CAMKMT: variants seen among roughly 807,000 people sequenced by gnomAD.
CAMKMT encodes the protein CaM KMT.
CAMKMT carries 53 observed loss-of-function variants against 48.0 expected under a neutral mutation model. The ratio of observed to expected loss-of-function variants is 1.10; its 90% CI spans 0.89 to 1.39. CAMKMT has a LOEUF of 1.39. Among genes scored for constraint, CAMKMT ranks in the 40% most tolerant of loss-of-function variants. CAMKMT has a pLI of 0.00. For synonymous variants in CAMKMT, 165 were observed against 152.3 expected (o/e 1.08, Z -0.61); for missense variants, 428 against 402.7 (o/e 1.06, Z -0.54).
chr2:44,627,914 G>T (rs1302283911), intron 3 of CAMKMT, among the ~76,000 whole-genome samples: 1 of 151,688 alleles, frequency 6.6e-6, no homozygotes, highest in Non-Finnish European at 1.5e-5. Context: ...TGGCCAGGCT[G>T]GTCTCTAACT....
chr2:44,694,761 G>T (rs1308720377), intron 3 of CAMKMT, among the ~76,000 whole-genome samples: 2 of 152,186 alleles, frequency 1.3e-5, no homozygotes, highest in African/African-American at 4.8e-5. Context: ...AGAAGCAACT[G>T]CAGGGAACCA....
chr2:44,686,715 A>T (rs898725847), intron 3 of CAMKMT, among the ~76,000 whole-genome samples: 1 of 152,214 alleles, frequency 6.6e-6, no homozygotes, highest in Non-Finnish European at 1.5e-5. Flanking sequence ...ATGAACGCTC[A>T]TTGGAGTTTG....
At chr2:44,414,533 A>G (rs1443802770) in intron 3 of CAMKMT, among the ~76,000 whole-genome samples, 1 of 152,166 alleles carries the variant, frequency 6.6e-6, no homozygotes, top group Non-Finnish European at 1.5e-5. Context: ...GGCAGCTTCC[A>G]CTAGAGTGTA....
intron 3 of CAMKMT, among the ~76,000 whole-genome samples, chr2:44,636,179 T>C (rs139870686): frequency 3.9e-4 from 59 of 152,256 alleles, no homozygotes; most frequent in African/African-American, 1.1e-3. Flanking sequence ...GGGCACACTA[T>C]CCAAAAAGCT....
chr2:44,434,891 T>C (rs1424005787), intron 3 of CAMKMT, among the ~76,000 whole-genome samples: 1 of 152,204 alleles, frequency 6.6e-6, no homozygotes, highest in Non-Finnish European at 1.5e-5. Flanking sequence ...AATGAAAATA[T>C]CAGAGTAGCA....
chr2:44,404,621 G>C (rs1376156064), intron 3 of CAMKMT, among the ~76,000 whole-genome samples: 1 of 151,992 alleles, frequency 6.6e-6, no homozygotes, highest in Non-Finnish European at 1.5e-5. Context: ...AATCCCTTAA[G>C]TACTTTTCCT....
At chr2:44,676,423 C>T (rs182043133) in intron 3 of CAMKMT, among the ~76,000 whole-genome samples, 1 of 152,324 alleles carries the variant, frequency 6.6e-6, no homozygotes, top group East Asian at 1.9e-4. Context: ...ATCCTCAAAA[C>T]AGGCTTGACT....
intron 3 of CAMKMT, among the ~76,000 whole-genome samples, chr2:44,665,089 G>A (rs1444400484): frequency 6.6e-6 from 1 of 152,046 alleles, no homozygotes; most frequent in East Asian, 1.9e-4. Context: ...TTTTGTTTTT[G>A]AGACTGAGTC....
intron 10 of CAMKMT, among the ~76,000 whole-genome samples, chr2:44,768,361 A>ATATATATATATATATATATATAT (rs35058824): frequency 1.7e-5 from 2 of 115,722 alleles, no homozygotes; most frequent in African/African-American, 7.4e-5. Context: ...ATATATATAT[A>ATATATATATATATATATATATAT]TTTTTTTTTT....
intron 3 of CAMKMT, among the ~76,000 whole-genome samples, chr2:44,594,107 G>T (rs1378625189): frequency 6.6e-6 from 1 of 152,064 alleles, no homozygotes; most frequent in African/African-American, 2.4e-5. Context: ...AACTTACAAG[G>T]GTTGTGAAGG....
In CAMKMT at chr2:44,761,614, G is replaced by C. The variant is rs79048474; in HGVS notation, c.763-4816G>C. Reference sequence around the variant, plus strand: ...TCCAGGCCACCCCTGAAGCAATTCAGAACACAGTTTGAGAACCACCTGCAG... The same window carrying C: ...TCCAGGCCACCCCTGAAGCAATTCACAACACAGTTTGAGAACCACCTGCAG... On this transcript the variant is annotated intron_variant, in intron 9 of 10. Coordinates refer to ENST00000378494, the MANE Select transcript of CAMKMT (RefSeq NM_024766.5). Among the ~76,000 whole-genome samples, 642 of 152,320 alleles carry C rather than the reference G, an allele frequency of 4.2e-3. 4 individuals carry two copies. The highest frequency in any genetic ancestry group is 6.9e-3 in the Non-Finnish European group (467 of 68,036).
chr2:44,485,166 A>G (rs1306474407), intron 3 of CAMKMT, among the ~76,000 whole-genome samples: 1 of 152,220 alleles, frequency 6.6e-6, no homozygotes, highest in Non-Finnish European at 1.5e-5. Context: ...AGCTGAAAGT[A>G]TATGCATCCT....
chr2:44,593,079 G>A (rs932735525), intron 3 of CAMKMT, among the ~76,000 whole-genome samples: 1 of 152,156 alleles, frequency 6.6e-6, no homozygotes, highest in African/African-American at 2.4e-5. Flanking sequence ...ATGTGTTACT[G>A]GGAAACAGCT....
chr2:44,725,331 T>C (rs1678723975), intron 7 of CAMKMT, among the ~76,000 whole-genome samples: 1 of 152,196 alleles, frequency 6.6e-6, no homozygotes, highest in Admixed American at 6.5e-5. Flanking sequence ...TTCAGTTCAG[T>C]GCAATGAAAT....
intron 3 of CAMKMT, among the ~76,000 whole-genome samples, chr2:44,602,109 G>A (rs983240834): frequency 1.3e-5 from 2 of 151,898 alleles, no homozygotes; most frequent in South Asian, 2.1e-4. Flanking sequence ...AGGCTCAAGC[G>A]ATCCTCCCAC....
At chr2:44,708,613 A>AT (rs1158577897) in intron 6 of CAMKMT, among the ~76,000 whole-genome samples, 11 of 152,114 alleles carry the variant, frequency 7.2e-5, no homozygotes, top group African/African-American at 2.7e-4. Flanking sequence ...TAAATGCAGG[A>AT]TTTTAATCAC....
At chr2:44,661,411 G>A (rs866687287) in intron 3 of CAMKMT, among the ~76,000 whole-genome samples, 11 of 150,786 alleles carry the variant, frequency 7.3e-5, no homozygotes, top group Admixed American at 2.0e-4. Context: ...TGTTTCCTGG[G>A]TTCAAGCGAT....
In CAMKMT at chr2:44,508,407, A is replaced by G. The variant is rs190797034; in HGVS notation, c.376+118102A>G. ...AAGGGAGTGAGTAGGCAGTATACCT[A>G]TAGGTATAGAACCAGTTACAGGAAG... On this transcript the variant is annotated intron_variant, in intron 3 of 10. Coordinates refer to ENST00000378494, the MANE Select transcript of CAMKMT (RefSeq NM_024766.5). Among the ~76,000 whole-genome samples, 456 of 152,310 alleles carry G rather than the reference A, an allele frequency of 3.0e-3. 1 individual carries two copies. Among genetic ancestry groups the G allele is most frequent in the African/African-American group, 9.6e-3 (399 of 41,562 alleles).
intron 3 of CAMKMT, among the ~76,000 whole-genome samples, chr2:44,693,340 C>A (rs1676764492): frequency 6.6e-6 from 1 of 152,116 alleles, no homozygotes; most frequent in South Asian, 2.1e-4. Context: ...GGGGTCTGGC[C>A]CCTCACCACC....
Sources: gnomAD v4.1 joint callset for allele counts (sites outside exome capture counted in the v4.1 genomes callset) on GRCh38, gnomAD v4.1.1 for gene constraint, MANE v1.5 for transcripts, NCBI Gene and HGNC (gene_info 2026-07-23, HGNC 2026-07-21) for gene names.